RPS6KC1: variants seen among roughly 807,000 people sequenced by gnomAD.
RPS6KC1 encodes the protein inactive ribosomal protein S6 kinase delta-1.
A neutral mutation model predicts 103.8 loss-of-function variants in RPS6KC1; 54 were observed. That is an observed-to-expected ratio of 0.52 (90% CI 0.42 to 0.65). RPS6KC1 has a LOEUF of 0.65. Among genes scored for constraint, RPS6KC1 ranks in the 30% least tolerant of loss-of-function variants. The pLI is 0.00. For missense variants in RPS6KC1, 1,151 were observed against 1,253.8 expected (o/e 0.92, Z 1.24); for synonymous variants, 439 against 438.7 (o/e 1.00, Z -0.01).
chr1:213,410,204 G>A, the RPS6KC1 span, among the ~76,000 whole-genome samples: 98,682 of 151,976 alleles, frequency 0.65, 33,149 homozygotes, highest in African/African-American at 0.84. Context: ...ATGCATACCA[G>A]TGGAAAAGAG....
the RPS6KC1 span, among the ~76,000 whole-genome samples, chr1:213,800,118 G>A: frequency 4.6e-5 from 7 of 152,066 alleles, no homozygotes; most frequent in South Asian, 2.1e-4. Flanking sequence ...TCCGAATACC[G>A]TCACATAGGG....
At chr1:213,201,677 G>A (rs2093168841) in intron 8 of RPS6KC1, among the ~76,000 whole-genome samples, 1 of 152,224 alleles carries the variant, frequency 6.6e-6, no homozygotes. Flanking sequence ...GGTTGTGTGT[G>A]TTTGAGGCCA....
the RPS6KC1 span, among the ~76,000 whole-genome samples, chr1:213,559,931 C>T: frequency 2.1e-4 from 32 of 152,078 alleles, no homozygotes; most frequent in Middle Eastern, 3.4e-3. Context: ...TGAAATCCAA[C>T]GTGTATGTCG....
chr1:213,831,904 C>T, the RPS6KC1 span, among the ~76,000 whole-genome samples: 109 of 152,266 alleles, frequency 7.2e-4, no homozygotes, highest in African/African-American at 2.1e-3. Flanking sequence ...GCTTCCTCTG[C>T]GCTAGGTCCT....
intron 6 of RPS6KC1, among the ~76,000 whole-genome samples, chr1:213,152,415 C>A (rs1173994151): frequency 1.3e-5 from 2 of 149,388 alleles, no homozygotes; most frequent in East Asian, 2.0e-4. Flanking sequence ...GGGTGGCTGC[C>A]GGGCGGAGAC....
At chr1:213,641,134 A>G in the RPS6KC1 span, among the ~76,000 whole-genome samples, 2 of 149,922 alleles carry the variant, frequency 1.3e-5, no homozygotes, top group South Asian at 2.1e-4. Context: ...CTTTGATATT[A>G]ATATAACCAC....
intron 1 of RPS6KC1, among the ~76,000 whole-genome samples, chr1:213,065,941 A>G (rs768680425): frequency 1.2e-4 from 19 of 152,200 alleles, no homozygotes; most frequent in Non-Finnish European, 2.2e-4. Flanking sequence ...TCTCATTCTA[A>G]ATTTGAAGGT....
the RPS6KC1 span, among the ~76,000 whole-genome samples, chr1:213,640,601 G>A: frequency 6.6e-6 from 1 of 151,540 alleles, no homozygotes; most frequent in African/African-American, 2.4e-5. Context: ...TTCATGTGTT[G>A]TGTTTGCCTT....
chr1:213,753,838 T>C, the RPS6KC1 span, among the ~76,000 whole-genome samples: 1 of 152,172 alleles, frequency 6.6e-6, no homozygotes, highest in Non-Finnish European at 1.5e-5. Context: ...AATTCGCAAT[T>C]GACAACTTTA....
At chr1:213,392,154 G>A in the RPS6KC1 span, among the ~76,000 whole-genome samples, 753 of 152,248 alleles carry the variant, frequency 4.9e-3, 1 homozygote, top group Non-Finnish European at 8.2e-3. Context: ...GATGTAGTTG[G>A]GAATCTGGTT....
chr1:213,844,321 G>A, the RPS6KC1 span, among the ~76,000 whole-genome samples: 3 of 152,182 alleles, frequency 2.0e-5, no homozygotes, highest in Admixed American at 6.5e-5. Context: ...TACAATTATG[G>A]ACAATTTGTG....
At chr1:213,742,533 C>G in the RPS6KC1 span, among the ~76,000 whole-genome samples, 2 of 152,206 alleles carry the variant, frequency 1.3e-5, no homozygotes, top group African/African-American at 4.8e-5. Context: ...CCCAACCTGC[C>G]ATCACTGAGG....
chr1:213,117,987 A>C (rs948799636), intron 5 of RPS6KC1, among the ~76,000 whole-genome samples: 3 of 143,166 alleles, frequency 2.1e-5, no homozygotes, highest in Non-Finnish European at 4.6e-5. Context: ...GTGCCACTGC[A>C]CTCTAGCCTG....
the RPS6KC1 span, among the ~76,000 whole-genome samples, chr1:213,488,094 T>C: frequency 2.6e-5 from 4 of 152,216 alleles, no homozygotes; most frequent in African/African-American, 7.2e-5. Context: ...ACCTATATCT[T>C]TCTTCTATAA....
intron 10 of RPS6KC1, among the ~76,000 whole-genome samples, chr1:213,240,370 T>G (rs1164959757): frequency 3.9e-5 from 6 of 152,154 alleles, no homozygotes; most frequent in African/African-American, 1.4e-4. Context: ...ATCAGATGTT[T>G]CTAAGACTAA....
the RPS6KC1 span, among the ~76,000 whole-genome samples, chr1:213,856,041 G>A: frequency 5.9e-5 from 9 of 152,192 alleles, no homozygotes; most frequent in East Asian, 1.9e-4. Flanking sequence ...GAGGGAGCCT[G>A]GCTGTCACTC....
chr1:213,518,736 A>G, the RPS6KC1 span, among the ~76,000 whole-genome samples: 1 of 152,228 alleles, frequency 6.6e-6, no homozygotes, highest in Non-Finnish European at 1.5e-5. Context: ...AGCTGGAATG[A>G]GCATATGAAA....
intron 2 of RPS6KC1, 96 bp from the exon 3 acceptor site, chr1:213,077,600 T>C (rs2079461525): frequency 1.4e-6 from 1 of 696,664 alleles, no homozygotes; most frequent in African/African-American, 1.8e-5. Context: ...TGCCTTTGCA[T>C]GACAATTTTG....
the RPS6KC1 span, among the ~76,000 whole-genome samples, chr1:213,354,983 C>T: frequency 2.0e-5 from 3 of 152,124 alleles, no homozygotes; most frequent in Non-Finnish European, 4.4e-5. Context: ...TTTGGGAGGC[C>T]GAGGTGGGCG....
Sources: allele counts gnomAD v4.1 joint callset (sites outside exome capture counted in the v4.1 genomes callset), GRCh38; gene constraint gnomAD v4.1.1; transcripts MANE v1.5; gene names NCBI Gene and HGNC (gene_info 2026-07-23, HGNC 2026-07-21).